PPFIBP2: variants seen among roughly 807,000 people sequenced by gnomAD.
PPFIBP2 encodes the protein liprin-beta-2.
In PPFIBP2, 118 loss-of-function variants were observed where a neutral mutation model predicts 118.3. The ratio of observed to expected loss-of-function variants is 1.00; its 90% confidence interval spans 0.86 to 1.16. The LOEUF is 1.16. Among genes scored for constraint, PPFIBP2 ranks in the 50% most tolerant of loss-of-function variants. PPFIBP2 has a pLI of 0.00. For missense variants in PPFIBP2, 1,195 were observed against 1,073.1 expected, an observed-to-expected ratio of 1.11 and a Z score of -1.59; for synonymous variants, 414 against 397.4, an observed-to-expected ratio of 1.04 and a Z score of -0.50.
chr11:7,562,667 T>C (rs759819302), intron 2 of PPFIBP2, among the ~76,000 whole-genome samples: 25 of 152,052 alleles, frequency 1.6e-4, no homozygotes, highest in Non-Finnish European at 3.1e-4. Context: ...TTCAATATCA[T>C]TTTGTCATTT....
intron 12 of PPFIBP2, among the ~76,000 whole-genome samples, chr11:7,633,434 T>C (rs562716691): frequency 6.6e-6 from 1 of 152,318 alleles, no homozygotes; most frequent in African/African-American, 2.4e-5. Context: ...ATCTGTCTTG[T>C]TCCCTCTAAA....
At chr11:7,613,728 G>T (rs1848329029) in intron 6 of PPFIBP2, among the ~76,000 whole-genome samples, 1 of 152,198 alleles carries the variant, frequency 6.6e-6, no homozygotes, top group African/African-American at 2.4e-5. Flanking sequence ...CCCCAAGAAA[G>T]AAATCTGGCT....
chr11:7,603,855 C>T (rs1222961051), intron 5 of PPFIBP2, among the ~76,000 whole-genome samples: 13 of 152,112 alleles, frequency 8.5e-5, no homozygotes, highest in Admixed American at 7.9e-4. Context: ...AACAAACCAC[C>T]CTCCCCCAGA....
intron 16 of PPFIBP2, 102 bp downstream of exon 16, chr11:7,641,722 C>T: frequency 8.9e-7 from 1 of 1,129,808 alleles, no homozygotes. Flanking sequence ...ACTGAAACAG[C>T]AGTCAAAACA....
chr11:7,549,762 G>A (rs1852756588), intron 2 of PPFIBP2, among the ~76,000 whole-genome samples: 2 of 152,246 alleles, frequency 1.3e-5, no homozygotes, highest in South Asian at 4.1e-4. Context: ...TGCTGAGACA[G>A]TGTGGATGTA....
At chr11:7,562,546 A>G (rs1337345371) in intron 2 of PPFIBP2, among the ~76,000 whole-genome samples, 5 of 152,312 alleles carry the variant, frequency 3.3e-5, no homozygotes, top group East Asian at 1.9e-4. Flanking sequence ...AATATCCACA[A>G]ATTACGAATA....
At chr11:7,631,950 A>G (rs1391375585) in intron 11 of PPFIBP2, among the ~76,000 whole-genome samples, 7 of 152,222 alleles carry the variant, frequency 4.6e-5, no homozygotes, top group Non-Finnish European at 1.0e-4. Flanking sequence ...TTGTTGTTAT[A>G]GTAGACCAAG....
chr11:7,546,806 A>G (rs1233746211), intron 1 of PPFIBP2, among the ~76,000 whole-genome samples: 2 of 152,226 alleles, frequency 1.3e-5, no homozygotes, highest in Non-Finnish European at 2.9e-5. Context: ...CTTCTGAGAA[A>G]GCTTCTATCA....
intron 1 of PPFIBP2, among the ~76,000 whole-genome samples, chr11:7,531,911 C>T (rs1388407465): frequency 1.3e-5 from 2 of 152,068 alleles, no homozygotes; most frequent in Non-Finnish European, 2.9e-5. Flanking sequence ...TCTTGGCTCA[C>T]AGCATCCTCC....
downstream of PPFIBP2, among the ~76,000 whole-genome samples, chr11:7,660,932 C>CG (rs1854877283): frequency 6.6e-6 from 1 of 151,838 alleles, no homozygotes; most frequent in South Asian, 2.1e-4. Flanking sequence ...AGTTTATTTG[C>CG]GTAGAGGTGT....
intron 1 of PPFIBP2, among the ~76,000 whole-genome samples, chr11:7,532,321 A>G (rs1427052400): frequency 6.6e-6 from 1 of 152,222 alleles, no homozygotes; most frequent in African/African-American, 2.4e-5. Context: ...ATATAGTCAC[A>G]TTCTGAGGTA....
intron 1 of PPFIBP2, among the ~76,000 whole-genome samples, chr11:7,516,392 A>G (rs1378812227): frequency 1.3e-5 from 2 of 152,144 alleles, no homozygotes; most frequent in Non-Finnish European, 2.9e-5. Context: ...CTCTAGACTG[A>G]TTAGATGCAA....
chr11:7,557,810 T>G (rs948571580), intron 2 of PPFIBP2, among the ~76,000 whole-genome samples: 10 of 152,230 alleles, frequency 6.6e-5, no homozygotes, highest in African/African-American at 2.4e-4. Context: ...GATCCGAGAC[T>G]GTATTTCTAA....
chr11:7,551,385 T>C (rs1211105055), intron 2 of PPFIBP2, among the ~76,000 whole-genome samples: 5 of 152,154 alleles, frequency 3.3e-5, no homozygotes, highest in African/African-American at 7.2e-5. Context: ...GTATTATCTC[T>C]GCTGCTTTGT....
rs1021671726 is a variant in PPFIBP2, at chr11:7,639,878, T to C, written c.1375+8T>C. The C allele has an allele frequency of 6.2e-7, 1 of 1,612,428 alleles. No individual in the cohort carries two copies. The highest frequency in any genetic ancestry group is 8.5e-7 in the Non-Finnish European group (1 of 1,179,398). On this transcript the variant is annotated splice_region_variant and intron_variant, in intron 15 of 23. Coordinates refer to ENST00000299492, the MANE Select transcript of PPFIBP2 (RefSeq NM_003621.5). ...GCAGCCTGCTGAGGCTGAGTGAGTG[T>C]CCAGCCCTGGTGCTGGTGGCCTCTG... is the stretch of plus-strand genomic sequence containing the variant.
the PPFIBP2 span, among the ~76,000 whole-genome samples, chr11:7,664,101 C>T: frequency 0.2 from 30,133 of 152,054 alleles, 3,070 homozygotes; most frequent in Middle Eastern, 0.25. Context: ...CAGAAATCAC[C>T]GTCTTCTGCG....
chr11:7,530,525 T>A (rs922028665), intron 1 of PPFIBP2, among the ~76,000 whole-genome samples: 10 of 152,230 alleles, frequency 6.6e-5, no homozygotes, highest in African/African-American at 2.4e-4. Flanking sequence ...GAGAACTAGC[T>A]GGTTTCTTCC....
At chr11:7,599,573 T>C (rs1342562800) in intron 5 of PPFIBP2, among the ~76,000 whole-genome samples, 1 of 151,974 alleles carries the variant, frequency 6.6e-6, no homozygotes, top group East Asian at 1.9e-4. Context: ...CTAGTTCCTC[T>C]AAACATCATC....
intron 7 of PPFIBP2, among the ~76,000 whole-genome samples, chr11:7,625,567 C>T (rs969438917): frequency 9.2e-5 from 14 of 152,300 alleles, no homozygotes; most frequent in Middle Eastern, 3.4e-3. Flanking sequence ...TGGCCAGAGC[C>T]GTGGGGAGGG....
Sources: gnomAD v4.1 joint callset for allele counts (sites outside exome capture counted in the v4.1 genomes callset) on GRCh38, gnomAD v4.1.1 for gene constraint, MANE v1.5 for transcripts, NCBI Gene and HGNC (gene_info 2026-07-23, HGNC 2026-07-21) for gene names.